The following MYH7B variants were observed in gnomAD, a reference collection of about 807,000 sequenced individuals.
MYH7B encodes myosin-7B.
Under a neutral mutation model 234.5 loss-of-function variants are expected in MYH7B, and 205 were observed. The ratio of observed to expected loss-of-function variants is 0.87; its 90% confidence interval spans 0.78 to 0.98. The LOEUF (loss-of-function observed/expected upper bound fraction) is 0.98. Among genes scored for constraint, MYH7B ranks in the 50% least tolerant of loss-of-function variants. MYH7B has a pLI of 0.00. For missense variants in MYH7B, 2,652 were observed against 2,633.4 expected, an observed-to-expected ratio of 1.01 and a Z score of -0.15; for synonymous variants, 1,193 against 1,105.0, an observed-to-expected ratio of 1.08 and a Z score of -1.58.
exon 26 of MYH7B, chr20:34,993,396 G>A: frequency 1.9e-6 from 3 of 1,613,516 alleles, no homozygotes; most frequent in Non-Finnish European, 2.5e-6. Flanking sequence ...GCCTGGCCAA[G>A]GTGCTGACGC....
rs1294610610 is a variant in MYH7B, at chr20:34,977,915, T to A, written c.-72-19T>A. 6.2e-7 allele frequency: 1 copy of A among 1,612,836 alleles called. No homozygotes were observed. Among genetic ancestry groups the A allele is most frequent in the Non-Finnish European group, 8.5e-7 (1 of 1,179,998 alleles). ...GGATCGTGCCCTAGTTCAGCTCCCTTGTCACTGCCATCTTCCAGTGCCTGC... is the reference window on the plus strand; with the variant it reads ...GGATCGTGCCCTAGTTCAGCTCCCTAGTCACTGCCATCTTCCAGTGCCTGC... On this transcript the variant is annotated intron_variant, in intron 4 of 44. Coordinates refer to ENST00000262873, the Ensembl canonical transcript of MYH7B.
intron 27 of MYH7B, among the ~76,000 whole-genome samples, chr20:34,995,117 G>A (rs1483258769): frequency 5.9e-5 from 9 of 152,258 alleles, no homozygotes; most frequent in Admixed American, 5.9e-4. Flanking sequence ...CTCACTCTGG[G>A]CCGCCCCGCA....
chr20:34,979,567 G>A, intron 6 of MYH7B, 71 bp downstream of exon 6: 1 of 1,599,628 alleles, frequency 6.3e-7, no homozygotes, highest in Non-Finnish European at 8.5e-7. Flanking sequence ...TCTGCCCTCT[G>A]GTTGAAGGGG....
At chr20:35,002,219 T>TGTC in exon 45 of MYH7B, 1 of 1,506,318 alleles carries the variant, frequency 6.6e-7, no homozygotes. Context: ...TAAAGAGGAA[T>TGTC]GTCTGCTGTT....
rs527937849 is a variant in MYH7B, at chr20:34,966,272, G to A, written c.-222+8060G>A. Among the ~76,000 whole-genome samples, 17 of 152,320 alleles carry A rather than the reference G, an allele frequency of 1.1e-4. No homozygotes were observed. In the South Asian group the frequency reaches 3.1e-3, roughly 28 times the overall value. ...GGTGAACGGTTCATCAAACTGTGGCGCATCCATACATACCATGAGTACCAC... is the reference window on the plus strand; with the variant it reads ...GGTGAACGGTTCATCAAACTGTGGCACATCCATACATACCATGAGTACCAC... On this transcript the variant is annotated intron_variant, in intron 2 of 44. Coordinates refer to ENST00000262873, the Ensembl canonical transcript of MYH7B.
Position 35,002,105 on chromosome 20 carries a change from T to C in MYH7B, c.5814+20T>C, listed in dbSNP as rs767203930. 9 of 1,612,302 alleles carry C rather than the reference T, an allele frequency of 5.6e-6. No homozygotes were observed. The highest frequency in any genetic ancestry group is 2.7e-5 in the African/African-American group (2 of 74,860). Reference sequence around the variant, plus strand: ...CCCAAGGTGAGGAGTGGCAGGGGCATTGCTCTCTGTGCAGGGGGACTGTGG... The same window carrying C: ...CCCAAGGTGAGGAGTGGCAGGGGCACTGCTCTCTGTGCAGGGGGACTGTGG... On this transcript the variant is annotated intron_variant, in intron 44 of 44. Coordinates refer to ENST00000262873, the Ensembl canonical transcript of MYH7B.
At position 34,997,433 on chromosome 20, in the gene MYH7B, G is replaced by T. The variant is rs2082282659; in HGVS notation, c.3540G>T (p.Arg1180Ser). 3.4e-6 allele frequency: 5 copies of T among 1,472,058 alleles called. No homozygotes were observed. Among genetic ancestry groups the T allele is most frequent in the Non-Finnish European group, 4.5e-6 (5 of 1,120,004 alleles). The allele number at this position is 1,472,058 out of a possible 1,614,324, so 91.2% of individuals were successfully genotyped here. A position where few individuals can be genotyped will look rare whatever the true frequency, so the allele number is the denominator to read the frequency against. Residue 1180 changes from arginine (R) to serine (S), a missense_variant, in exon 32 of 45, where the codon AGG becomes AGT. Physicochemically the swap from Arg to Ser is moderately radical, Grantham distance 110. Coordinates refer to ENST00000262873, the Ensembl canonical transcript of MYH7B. The stretch of plus-strand genomic sequence containing the variant: ...GCAAGCGGGAGGCGGAGCTGGGGAG[G>T]CTGCGGCGGGAGCTGGAGGAGGCGG...
intron 16 of MYH7B, 34 bp from the exon 17 acceptor site, chr20:34,987,523 G>A: frequency 2.0e-6 from 3 of 1,524,244 alleles, no homozygotes; most frequent in Non-Finnish European, 2.7e-6. Context: ...GCATGGTGGT[G>A]TCCTCCTCCC....
In MYH7B at chr20:34,996,528, T is replaced by C. The variant is rs772268896; in HGVS notation, c.3120+6T>C. 1.1e-5 allele frequency: 18 copies of C among 1,608,600 alleles called. No homozygotes were observed. The highest frequency in any genetic ancestry group is 1.5e-5 in the Non-Finnish European group (18 of 1,177,518). On this transcript the variant is annotated splice_donor_region_variant and intron_variant, in intron 29 of 44. Transcript: ENST00000262873. ...TGGAGCAACAGGTGGAGGACGTGAG[T>C]CAGGGCCACCCCGAGACTGGGTGGC...
chr20:34,976,114 G>A (rs2081851447), intron 3 of MYH7B, among the ~76,000 whole-genome samples: 1 of 152,186 alleles, frequency 6.6e-6, no homozygotes, highest in South Asian at 2.1e-4. Context: ...GCACGCACCT[G>A]TGTCTCATGG....
In MYH7B at chr20:34,989,776, A is replaced by G. The variant is rs769311135; in HGVS notation, c.1624A>G (p.Met542Val). The G allele has an allele frequency of 8.7e-6, 14 of 1,614,004 alleles. No homozygotes were observed. The Admixed American group carries it at 2.3e-4, about 27-fold the overall frequency. The change falls in exon 20 of 45, where the codon ATG (methionine) becomes GTG (valine). Residue 542 changes from methionine to valine, a missense_variant. Met to Val is a conservative substitution (Grantham distance 21, BLOSUM62 1). Around this residue, in one of 3 missense-constraint regions of MYH7B, gnomAD observed 2,279 missense variants for 2,211.4 expected, o/e 1.03. Transcript: ENST00000262873. ...CCTGTCCATCCTGGAGGAGGAATGC[A>G]TGTTCCCCAAGGCCTCAGACGCCAG...
chr20:34,987,210 G>A (rs759073501), exon 16 of MYH7B: 4 of 1,612,602 alleles, frequency 2.5e-6, no homozygotes, highest in Non-Finnish European at 3.4e-6. Flanking sequence ...AAGATCGTGG[G>A]CGCCCTCCTG....
In MYH7B at chr20:35,001,660, A is replaced by ATCTC; in HGVS notation, c.5676+136_5676+139dup. 4.7e-6 allele frequency: 4 copies of ATCTC among 845,396 alleles called. No individual in the cohort carries two copies. The South Asian group carries it at 7.0e-5, about 15-fold the overall frequency. The allele number at this position is 845,396 out of a possible 1,614,324, so 52.4% of individuals were successfully genotyped here. A position where few individuals can be genotyped will look rare whatever the true frequency, so the allele number is the denominator to read the frequency against. ...CAGAGGGAAGAGAGAAGCTTCTAAC[A>ATCTC]TCTCTGGGGAGATCAGACCTAGCTC... On this transcript the variant is annotated intron_variant, in intron 43 of 44. Coordinates refer to ENST00000262873, the Ensembl canonical transcript of MYH7B.
rs752985150 is a variant in MYH7B, at chr20:34,998,292, T to C, written c.3748-3T>C. 1.2e-5 allele frequency: 20 copies of C among 1,613,710 alleles called. No individual in the cohort carries two copies. The East Asian group carries it at 1.6e-4, about 13-fold the overall frequency. ...ACCCCTGACTCCCAACCTGGGATCC[T>C]AGGCCAGTGCAGAGAAGCTGTGCCG... On this transcript the variant is annotated splice_polypyrimidine_tract_variant and splice_region_variant and intron_variant, in intron 32 of 44. Transcript: ENST00000262873.
intron 22 of MYH7B, 175 bp downstream of exon 22, chr20:34,990,485 G>A (rs2082124009): frequency 1.1e-6 from 1 of 911,064 alleles, no homozygotes; most frequent in Non-Finnish European, 1.9e-6. Flanking sequence ...TCCCTACGCT[G>A]CCTGGGCAGG....
rs781226743 is a variant in MYH7B, at chr20:34,999,704, C to T, written c.4665+9C>T. On this transcript the variant is annotated intron_variant, in intron 37 of 44. Transcript: ENST00000262873. ...CACTGGAGGAGGCAGAGGTCAGGGG[C>T]TGGCTGCAGGGGTGGGTGGACACTG... The T allele has an allele frequency of 6.2e-7, 1 of 1,611,172 alleles. No homozygotes were observed. The highest frequency in any genetic ancestry group is 1.1e-5 in the South Asian group (1 of 90,768).
At chr20:34,984,264 G>A (rs1003836986) in intron 10 of MYH7B, among the ~76,000 whole-genome samples, 3 of 152,256 alleles carry the variant, frequency 2.0e-5, no homozygotes, top group Non-Finnish European at 4.4e-5. Context: ...GGAGGTTAGG[G>A]CAGGAAGGTT....
chr20:34,984,666 T>C, intron 10 of MYH7B, 26 bp from the exon 11 acceptor site: 6 of 1,578,512 alleles, frequency 3.8e-6, no homozygotes, highest in Non-Finnish European at 5.2e-6. Flanking sequence ...CCTGGCCCTC[T>C]AATGTTGTCT....
Position 34,977,919 on chromosome 20 carries a change from A to C in MYH7B, c.-72-15A>C, listed in dbSNP as rs753278003. ...CGTGCCCTAGTTCAGCTCCCTTGTC[A>C]CTGCCATCTTCCAGTGCCTGCTGCC... is the stretch of plus-strand genomic sequence containing the variant. On this transcript the variant is annotated splice_polypyrimidine_tract_variant and intron_variant, in intron 4 of 44. Coordinates refer to ENST00000262873, the Ensembl canonical transcript of MYH7B. 1 of 1,613,008 alleles carries C rather than the reference A, an allele frequency of 6.2e-7. No individual in the cohort carries two copies. Among genetic ancestry groups the C allele is most frequent in the East Asian group, 2.2e-5 (1 of 44,870 alleles).
Sources: gnomAD v4.1 joint callset for allele counts (sites outside exome capture counted in the v4.1 genomes callset) on GRCh38, gnomAD v4.1.1 for gene constraint, gnomAD v4.1.1 regional missense constraint, MANE v1.5 for transcripts, NCBI Gene and HGNC (gene_info 2026-07-23, HGNC 2026-07-21) for gene names.